CSMD1: variants seen among roughly 807,000 people sequenced by gnomAD.
The protein encoded by CSMD1 is CUB and sushi domain-containing protein 1.
In CSMD1, 213 loss-of-function variants were observed where a neutral mutation model predicts 417.5. That is an observed-to-expected ratio of 0.51 (90% CI 0.46 to 0.57). The LOEUF (loss-of-function observed/expected upper bound fraction) is 0.57. Ranked by LOEUF, CSMD1 falls within the 20% of genes least tolerant of loss-of-function variation. CSMD1 has a pLI of 0.00. For synonymous variants in CSMD1, 2,862 were observed against 1,736.8 expected, an observed-to-expected ratio of 1.65 and a Z score of -16.11; for missense variants, 6,923 against 4,529.7, an observed-to-expected ratio of 1.53 and a Z score of -15.17.
chr8:3,771,100 G>A (rs62479701), intron 5 of CSMD1, among the ~76,000 whole-genome samples: 2 of 151,716 alleles, frequency 1.3e-5, no homozygotes, highest in Non-Finnish European at 2.9e-5. Context: ...GTATTCTCAG[G>A]ATCTTGAAAA....
At chr8:3,592,073 G>A (rs1291601937) in intron 8 of CSMD1, among the ~76,000 whole-genome samples, 5 of 152,008 alleles carry the variant, frequency 3.3e-5, no homozygotes, top group African/African-American at 4.8e-5. Flanking sequence ...ATAGATGGAG[G>A]AATTGACGGA....
chr8:3,712,489 G>C (rs570357399), intron 6 of CSMD1, among the ~76,000 whole-genome samples: 3 of 152,200 alleles, frequency 2.0e-5, no homozygotes, highest in Non-Finnish European at 2.9e-5. Context: ...AGAAAGGTAA[G>C]TCACCTATGG....
At chr8:4,794,258 C>T (rs1220699749) in intron 1 of CSMD1, among the ~76,000 whole-genome samples, 1 of 152,028 alleles carries the variant, frequency 6.6e-6, no homozygotes, top group Non-Finnish European at 1.5e-5. Flanking sequence ...TGAAAAATCC[C>T]ACATTGTATA....
chr8:3,873,749 A>G (rs1193946371), intron 5 of CSMD1, among the ~76,000 whole-genome samples: 1 of 152,246 alleles, frequency 6.6e-6, no homozygotes, highest in Non-Finnish European at 1.5e-5. Context: ...TATTAAGGAT[A>G]CAGAGAAAAA....
chr8:3,881,770 C>G (rs1367763038), intron 5 of CSMD1, among the ~76,000 whole-genome samples: 1 of 151,974 alleles, frequency 6.6e-6, no homozygotes, highest in Admixed American at 6.6e-5. Context: ...ACTTAAGACT[C>G]TGAATGGTCG....
At chr8:4,298,169 T>C (rs1300084106) in intron 3 of CSMD1, among the ~76,000 whole-genome samples, 2 of 152,156 alleles carry the variant, frequency 1.3e-5, no homozygotes, top group Admixed American at 6.6e-5. Context: ...TAGAAAAACA[T>C]AATTTTGAGG....
intron 3 of CSMD1, among the ~76,000 whole-genome samples, chr8:4,333,331 G>C (rs1002918438): frequency 2.0e-5 from 3 of 152,110 alleles, no homozygotes; most frequent in Non-Finnish European, 4.4e-5. Context: ...ATCCGAGAGA[G>C]ATGATACAGA....
chr8:3,110,071 T>C (rs2129015929), intron 43 of CSMD1, 87 bp downstream of exon 43: 2 of 1,099,378 alleles, frequency 1.8e-6, no homozygotes, highest in East Asian at 2.7e-5. Context: ...ATTCTAAATA[T>C]GTGCCTTGTA....
At position 3,214,616 on chromosome 8, in the gene CSMD1, C is replaced by G. The variant is rs1797788357; in HGVS notation, c.4748G>C (p.Gly1583Ala). Reference sequence around the variant, plus strand: ...GTCACACTGGTAGGTGATGGTGGAGCCAAGCTTGAAGTCTGTTCCAACTCT... The same window carrying G: ...GTCACACTGGTAGGTGATGGTGGAGGCAAGCTTGAAGTCTGTTCCAACTCT... ...GTRVGTDFKLGSTITYQCDSG... is the reference protein window; with the variant it reads ...GTRVGTDFKLASTITYQCDSG... The change falls in exon 30 of 70, where the codon GGC becomes GCC. Residue 1583 changes from glycine (G) to alanine (A), a missense_variant. Coordinates refer to ENST00000635120, the MANE Select transcript of CSMD1 (RefSeq NM_033225.6). 1 of 1,559,192 alleles carries G rather than the reference C, an allele frequency of 6.4e-7. No individual in the cohort carries two copies. The highest frequency in any genetic ancestry group is 8.7e-7 in the Non-Finnish European group (1 of 1,151,056).
intron 3 of CSMD1, among the ~76,000 whole-genome samples, chr8:4,049,420 C>T (rs1399232384): frequency 6.6e-6 from 1 of 151,408 alleles, no homozygotes; most frequent in Non-Finnish European, 1.5e-5. Flanking sequence ...AAAAATTACC[C>T]CCAGCTCAAA....
intron 2 of CSMD1, among the ~76,000 whole-genome samples, chr8:4,447,563 A>C (rs1196087408): frequency 2.0e-5 from 3 of 152,212 alleles, no homozygotes; most frequent in African/African-American, 4.8e-5. Flanking sequence ...TAACACTACA[A>C]ATACCAATGC....
At chr8:3,295,370 C>G (rs11781780) in intron 25 of CSMD1, among the ~76,000 whole-genome samples, 74,582 of 151,552 alleles carry the variant, frequency 0.49, 20,645 homozygotes, top group South Asian at 0.63. Context: ...TTGTGATCCA[C>G]CCGCCTCGGC....
At position 3,816,493 on chromosome 8, in the gene CSMD1, A is replaced by C. The variant is rs115615287; in HGVS notation, c.819-62451T>G. Among the ~76,000 whole-genome samples, 702 of 152,312 alleles carry C rather than the reference A, an allele frequency of 4.6e-3. 7 individuals carry two copies. The highest frequency in any genetic ancestry group is 0.015 in the African/African-American group (640 of 41,564). On this transcript the variant is annotated intron_variant, in intron 5 of 69. Coordinates refer to ENST00000635120, the MANE Select transcript of CSMD1 (RefSeq NM_033225.6). ...GAATCTCTCGCTGTGCCTAATTTAT[A>C]AATTAAACTTCCTCATAGATGTTTA...
At chr8:4,642,552 G>A (rs1048519043) in intron 1 of CSMD1, among the ~76,000 whole-genome samples, 21 of 152,188 alleles carry the variant, frequency 1.4e-4, no homozygotes, top group East Asian at 7.7e-4. Context: ...ATAAACAAAC[G>A]CCTTCCTAGA....
chr8:3,423,552 G>C (rs1440066864), intron 12 of CSMD1, among the ~76,000 whole-genome samples: 1 of 152,044 alleles, frequency 6.6e-6, no homozygotes, highest in African/African-American at 2.4e-5. Context: ...GTGTGGCTTT[G>C]GCACCATTTG....
chr8:2,974,419 T>A (rs778561472), intron 56 of CSMD1, 32 bp downstream of exon 56: 1 of 1,489,482 alleles, frequency 6.7e-7, no homozygotes, highest in South Asian at 1.3e-5. Context: ...TTGAAATCTG[T>A]AATTCTGTCA....
intron 3 of CSMD1, among the ~76,000 whole-genome samples, chr8:4,153,039 T>C (rs942767035): frequency 6.6e-6 from 1 of 152,212 alleles, no homozygotes; most frequent in Non-Finnish European, 1.5e-5. Context: ...GTAAAATGAC[T>C]TGTAACGTGT....
chr8:3,448,124 G>T (rs1242806129), intron 12 of CSMD1, among the ~76,000 whole-genome samples: 1 of 151,244 alleles, frequency 6.6e-6, no homozygotes, highest in Non-Finnish European at 1.5e-5. Context: ...TTAGCATGAT[G>T]CTGTCAATCC....
chr8:3,645,174 C>T (rs531228486), intron 7 of CSMD1, among the ~76,000 whole-genome samples: 52 of 152,152 alleles, frequency 3.4e-4, no homozygotes, highest in African/African-American at 1.2e-3. Flanking sequence ...ATTTCACTCC[C>T]TTACTTCACT....
Sources: allele counts gnomAD v4.1 joint callset (sites outside exome capture counted in the v4.1 genomes callset), GRCh38; gene constraint gnomAD v4.1.1; transcripts MANE v1.5; gene names NCBI Gene and HGNC (gene_info 2026-07-23, HGNC 2026-07-21).